The following SGMS1 variants were observed in gnomAD, a reference collection of about 807,000 sequenced individuals.
The protein encoded by SGMS1 is phosphatidylcholine:ceramide cholinephosphotransferase 1.
In SGMS1, 13 loss-of-function variants were observed where a neutral mutation model predicts 46.2. The ratio of observed to expected loss-of-function variants is 0.28; its 90% confidence interval spans 0.18 to 0.45. SGMS1 has a LOEUF of 0.45. Ranked by LOEUF, SGMS1 falls within the 20% of genes least tolerant of loss-of-function variation. The probability of loss-of-function intolerance (pLI) is 1.00; values close to 1 mark genes in which losing one functional copy is unlikely to be tolerated. For synonymous variants in SGMS1, 203 were observed against 187.8 expected, an observed-to-expected ratio of 1.08 and a Z score of -0.66; for missense variants, 324 against 519.9, an observed-to-expected ratio of 0.62 and a Z score of 3.66.
At chr10:50,412,275 A>AAAAG (rs1564906310) in intron 6 of SGMS1, among the ~76,000 whole-genome samples, 2 of 152,212 alleles carry the variant, frequency 1.3e-5, no homozygotes, top group Non-Finnish European at 2.9e-5. Flanking sequence ...AAAAATTCCT[A>AAAAG]ACTTCAATTC....
Position 50,425,163 on chromosome 10 carries a change from T to C in SGMS1, c.-232+8313A>G, listed in dbSNP as rs1849308567. On this transcript the variant is annotated intron_variant, in intron 6 of 10. Coordinates refer to ENST00000361781, the MANE Select transcript of SGMS1 (RefSeq NM_147156.4). ...ACTGCTGGTGGGAATGTAAATTAGT[T>C]CAGCCTCTGTGGAAAGCAGTTTGGA... 2.6e-5 allele frequency among the ~76,000 whole-genome samples: 4 copies of C among 152,198 alleles called. No individual in the cohort carries two copies. The South Asian group carries it at 8.3e-4, about 31-fold the overall frequency.
chr10:50,534,657 G>T (rs951134947), intron 2 of SGMS1, among the ~76,000 whole-genome samples: 2 of 152,166 alleles, frequency 1.3e-5, no homozygotes, highest in African/African-American at 4.8e-5. Flanking sequence ...ACAAAACTGA[G>T]ATATTCACAT....
intron 6 of SGMS1, among the ~76,000 whole-genome samples, chr10:50,397,235 A>G (rs1326053579): frequency 1.3e-5 from 2 of 152,024 alleles, no homozygotes; most frequent in East Asian, 3.9e-4. Context: ...CAGAGGACTC[A>G]CTCAGTGTAG....
intron 8 of SGMS1, among the ~76,000 whole-genome samples, chr10:50,319,947 T>C (rs1198014918): frequency 6.6e-6 from 1 of 152,260 alleles, no homozygotes; most frequent in African/African-American, 2.4e-5. Context: ...TAAATTATAA[T>C]ACTTGAATTA....
chr10:50,504,584 T>C (rs1837689118), intron 3 of SGMS1, among the ~76,000 whole-genome samples: 1 of 152,100 alleles, frequency 6.6e-6, no homozygotes, highest in Non-Finnish European at 1.5e-5. Context: ...GGAAGAAGGA[T>C]GGGAAGATGG....
At chr10:50,323,813 CAA>C (rs1847487180) in intron 8 of SGMS1, among the ~76,000 whole-genome samples, 1 of 152,180 alleles carries the variant, frequency 6.6e-6, no homozygotes, top group Admixed American at 6.5e-5. Context: ...AAATATTGCT[CAA>C]GTCTGTTTCT....
At chr10:50,593,235 G>A (rs2131896146) in intron 1 of SGMS1, among the ~76,000 whole-genome samples, 1 of 152,326 alleles carries the variant, frequency 6.6e-6, no homozygotes, top group South Asian at 2.1e-4. Flanking sequence ...TTCAGCCTCA[G>A]TCAAGCCTTC....
intron 2 of SGMS1, among the ~76,000 whole-genome samples, chr10:50,570,688 A>T (rs1478566969): frequency 6.6e-6 from 1 of 152,198 alleles, no homozygotes; most frequent in Non-Finnish European, 1.5e-5. Context: ...CAATCTGAGC[A>T]CTTTTGGAGC....
intron 6 of SGMS1, among the ~76,000 whole-genome samples, chr10:50,391,210 A>T (rs1848760580): frequency 6.6e-6 from 1 of 152,250 alleles, no homozygotes; most frequent in Non-Finnish European, 1.5e-5. Context: ...AAGGACTTCT[A>T]GTCTAGGAGA....
chr10:50,367,656 C>T (rs774571110), intron 6 of SGMS1, among the ~76,000 whole-genome samples: 5 of 152,218 alleles, frequency 3.3e-5, no homozygotes, highest in African/African-American at 1.2e-4. Flanking sequence ...CTTTTCCTGA[C>T]AGCAATTACG....
intron 6 of SGMS1, among the ~76,000 whole-genome samples, chr10:50,378,183 C>G (rs985594880): frequency 1.1e-4 from 16 of 152,184 alleles, no homozygotes; most frequent in Non-Finnish European, 1.8e-4. Flanking sequence ...TTTACACTAG[C>G]CTGTTTCCTG....
chr10:50,441,774 T>A (rs1419117826), intron 5 of SGMS1, among the ~76,000 whole-genome samples: 1 of 152,254 alleles, frequency 6.6e-6, no homozygotes. Flanking sequence ...AGAAAATTCC[T>A]TAGCAGTAGT....
chr10:50,596,513 T>G (rs1468623698), intron 1 of SGMS1, among the ~76,000 whole-genome samples: 1 of 152,182 alleles, frequency 6.6e-6, no homozygotes, highest in Non-Finnish European at 1.5e-5. Flanking sequence ...GCTTCCACAT[T>G]CTGGCCTACT....
intron 2 of SGMS1, among the ~76,000 whole-genome samples, chr10:50,567,817 G>A (rs978390414): frequency 6.6e-6 from 1 of 152,174 alleles, no homozygotes. Context: ...GGGGGAAAAG[G>A]GGGGAAAAGA....
At chr10:50,327,375 C>A in intron 7 of SGMS1, 53 bp from the exon 8 acceptor site, 1 of 1,029,256 alleles carries the variant, frequency 9.7e-7, no homozygotes, top group South Asian at 1.4e-5. Flanking sequence ...TCTGTAGGTT[C>A]ATTTACTGTA....
chr10:50,403,063 C>T (rs1458790649), intron 6 of SGMS1, among the ~76,000 whole-genome samples: 1 of 152,118 alleles, frequency 6.6e-6, no homozygotes, highest in Non-Finnish European at 1.5e-5. Context: ...TATGTTGTAA[C>T]CAGAACCATT....
chr10:50,452,929 C>G (rs1837130064), intron 5 of SGMS1, among the ~76,000 whole-genome samples: 1 of 152,094 alleles, frequency 6.6e-6, no homozygotes, highest in Non-Finnish European at 1.5e-5. Flanking sequence ...TTCAAAAAAC[C>G]TGAGGCAGAG....
At chr10:50,509,720 A>G (rs974523087) in intron 3 of SGMS1, among the ~76,000 whole-genome samples, 1 of 152,184 alleles carries the variant, frequency 6.6e-6, no homozygotes, top group Admixed American at 6.5e-5. Context: ...CCATCACCCA[A>G]TTAGAAGCCA....
At chr10:50,408,450 AAAAAACAAAAT>A (rs1849050525) in intron 6 of SGMS1, among the ~76,000 whole-genome samples, 2 of 148,836 alleles carry the variant, frequency 1.3e-5, no homozygotes, top group Non-Finnish European at 1.5e-5. Context: ...AAAAAAAAAA[AAAAAACAAAAT>A]AAAAACTTTT....
Sources: gnomAD v4.1 joint callset for allele counts (sites outside exome capture counted in the v4.1 genomes callset) on GRCh38, gnomAD v4.1.1 for gene constraint, MANE v1.5 for transcripts, NCBI Gene and HGNC (gene_info 2026-07-23, HGNC 2026-07-21) for gene names.